The following FOXP2 variants were observed in gnomAD, a reference collection of about 807,000 sequenced individuals.
The protein encoded by FOXP2 is forkhead box P2, also known as forkhead box protein P2.
A neutral mutation model predicts 115.8 loss-of-function variants in FOXP2; 12 were observed. That is an observed-to-expected ratio of 0.10 (90% CI 0.07 to 0.17). The LOEUF is 0.17. FOXP2 is among the 10% of genes least tolerant of loss of function. FOXP2 has a pLI of 1.00. For missense variants in FOXP2, 629 were observed against 843.5 expected, an observed-to-expected ratio of 0.75 and a Z score of 3.15; for synonymous variants, 328 against 297.7, an observed-to-expected ratio of 1.10 and a Z score of -1.05.
intron 1 of FOXP2, among the ~76,000 whole-genome samples, chr7:114,172,549 G>A (rs1451361385): frequency 6.6e-6 from 1 of 152,124 alleles, no homozygotes; most frequent in Non-Finnish European, 1.5e-5. Context: ...ATCAGTTGTG[G>A]CACATGTACC....
upstream of FOXP2, among the ~76,000 whole-genome samples, chr7:114,412,104 A>G (rs1253580561): frequency 6.6e-6 from 1 of 152,120 alleles, no homozygotes; most frequent in African/African-American, 2.4e-5. Context: ...ATTTTTAAAG[A>G]TTTGCTATTG....
At chr7:114,262,560 A>C (rs1228311900) in intron 1 of FOXP2, among the ~76,000 whole-genome samples, 7 of 152,236 alleles carry the variant, frequency 4.6e-5, no homozygotes, top group African/African-American at 1.7e-4. Context: ...AAATGTTCAC[A>C]ATCTACATAG....
At chr7:114,238,292 G>T (rs1474604329) in intron 1 of FOXP2, among the ~76,000 whole-genome samples, 1 of 151,026 alleles carries the variant, frequency 6.6e-6, no homozygotes, top group East Asian at 1.9e-4. Context: ...TTCCTAATCT[G>T]AAATATTTTT....
intron 4 of FOXP2, 92 bp from the exon 5 acceptor site, chr7:114,629,713 A>T: frequency 1.9e-6 from 3 of 1,602,014 alleles, no homozygotes; most frequent in Non-Finnish European, 2.6e-6. Context: ...CTTAATGGAT[A>T]CTCTGCCATA....
chr7:114,219,379 A>G (rs1794561621), intron 1 of FOXP2, among the ~76,000 whole-genome samples: 2 of 152,180 alleles, frequency 1.3e-5, no homozygotes, highest in African/African-American at 4.8e-5. Context: ...GTATGTTAAT[A>G]TATGATCTTT....
intron 1 of FOXP2, among the ~76,000 whole-genome samples, chr7:114,185,198 G>A (rs1177323718): frequency 6.7e-6 from 1 of 148,332 alleles, no homozygotes; most frequent in African/African-American, 2.4e-5. Flanking sequence ...CACTAATGTT[G>A]TATTTATGTT....
rs149066744 is a variant in FOXP2, at chr7:114,505,924, C to A, written c.169-28693C>A. Among the ~76,000 whole-genome samples the A allele has an allele frequency of 7.2e-3, 1,085 of 151,612 alleles. 15 individuals carry two copies. Among genetic ancestry groups the A allele is most frequent in the African/African-American group, 0.025 (1,020 of 41,456 alleles). ...TCTCATTCTACTTACTTTTTTGTAG[C>A]GTACTGTTTCTTGAACATGTCTTTA... is the stretch of plus-strand genomic sequence containing the variant. On this transcript the variant is annotated intron_variant, in intron 2 of 16. Transcript: ENST00000350908.
chr7:114,333,600 A>G (rs748943244), intron 2 of FOXP2, among the ~76,000 whole-genome samples: 3 of 152,200 alleles, frequency 2.0e-5, no homozygotes, highest in Non-Finnish European at 2.9e-5. Context: ...TAAAAATACA[A>G]AAATTAGTCA....
intron 2 of FOXP2, among the ~76,000 whole-genome samples, chr7:114,502,507 A>G (rs1241495442): frequency 6.6e-6 from 1 of 152,104 alleles, no homozygotes; most frequent in Non-Finnish European, 1.5e-5. Flanking sequence ...CTGAAAGTGT[A>G]TAAGTTCACA....
intron 1 of FOXP2, among the ~76,000 whole-genome samples, chr7:114,150,075 C>T (rs551887545): frequency 8.5e-5 from 13 of 152,112 alleles, no homozygotes; most frequent in African/African-American, 2.4e-4. Flanking sequence ...TATATTAATA[C>T]GTTTCTAATC....
At chr7:114,162,364 T>G (rs1792863399), upstream of FOXP2, among the ~76,000 whole-genome samples, 1 of 152,128 alleles carries the variant, frequency 6.6e-6, no homozygotes, top group Non-Finnish European at 1.5e-5. Context: ...ATACCTTGCT[T>G]CAGTAGCAGT....
At chr7:114,362,754 G>A (rs542995632) in intron 2 of FOXP2, among the ~76,000 whole-genome samples, 1 of 152,020 alleles carries the variant, frequency 6.6e-6, no homozygotes, top group Admixed American at 6.6e-5. Context: ...AAAAAAATAT[G>A]CATTCAGCAA....
intron 2 of FOXP2, among the ~76,000 whole-genome samples, chr7:114,525,944 T>A (rs1798835573): frequency 6.6e-6 from 1 of 151,784 alleles, no homozygotes; most frequent in South Asian, 2.1e-4. Flanking sequence ...AAATCCCATC[T>A]CTACTAAAAA....
intron 1 of FOXP2, among the ~76,000 whole-genome samples, chr7:114,134,670 G>A (rs1172038577): frequency 6.9e-6 from 1 of 145,246 alleles, no homozygotes; most frequent in Non-Finnish European, 1.5e-5. Context: ...CCGAGATCCC[G>A]CCACTGCACT....
chr7:114,600,036 C>A (rs1372250316), intron 3 of FOXP2, among the ~76,000 whole-genome samples: 1 of 152,070 alleles, frequency 6.6e-6, no homozygotes, highest in East Asian at 1.9e-4. Context: ...TTATTATTAA[C>A]CAAAGACTGT....
intron 16 of FOXP2, chr7:114,665,780 G>A (rs1690922851): frequency 6.6e-6 from 1 of 152,074 alleles, no homozygotes. Flanking sequence ...GAGAGTAGCA[G>A]TATTCTAAAA....
At chr7:114,479,542 A>G (rs200751610) in intron 2 of FOXP2, among the ~76,000 whole-genome samples, 2,918 of 126,232 alleles carry the variant, frequency 0.023, 80 homozygotes, top group African/African-American at 0.1. Context: ...ATATTTGAGG[A>G]AAAAAAAAAA....
At chr7:114,294,894 A>ACATG (rs1358830531) in intron 2 of FOXP2, among the ~76,000 whole-genome samples, 46 of 151,366 alleles carry the variant, frequency 3.0e-4, no homozygotes, top group Middle Eastern at 3.4e-3. Flanking sequence ...ATACATACAT[A>ACATG]CATGCATGCA....
At chr7:114,111,713 A>G (rs1584485052) in intron 1 of FOXP2, among the ~76,000 whole-genome samples, 1 of 152,066 alleles carries the variant, frequency 6.6e-6, no homozygotes, top group Non-Finnish European at 1.5e-5. Context: ...GGATTTAAAA[A>G]AATATATCCT....
Sources: gnomAD v4.1 joint callset for allele counts (sites outside exome capture counted in the v4.1 genomes callset) on GRCh38, gnomAD v4.1.1 for gene constraint, MANE v1.5 for transcripts, NCBI Gene and HGNC (gene_info 2026-07-23, HGNC 2026-07-21) for gene names.